Variants in KCNQ3 observed in about 807,000 individuals in gnomAD.
The protein encoded by KCNQ3 is potassium voltage-gated channel subfamily Q member 3.
KCNQ3 carries 30 observed loss-of-function variants against 92.5 expected under a neutral mutation model. The ratio of observed to expected loss-of-function variants is 0.32; its 90% CI spans 0.24 to 0.44. KCNQ3 has a LOEUF of 0.44. Among genes scored for constraint, KCNQ3 ranks in the 20% least tolerant of loss-of-function variants. KCNQ3 has a pLI of 1.00. For synonymous variants in KCNQ3, 450 were observed against 468.8 expected, an observed-to-expected ratio of 0.96 and a Z score of 0.52; for missense variants, 913 against 1,140.3, an observed-to-expected ratio of 0.80 and a Z score of 2.87.
chr8:132,307,568 C>T (rs889603590), intron 1 of KCNQ3, among the ~76,000 whole-genome samples: 2 of 152,148 alleles, frequency 1.3e-5, no homozygotes, highest in African/African-American at 4.8e-5. Flanking sequence ...TTCAAGACTT[C>T]CCAGAGGACC....
chr8:132,402,786 G>T (rs965101475), intron 1 of KCNQ3, among the ~76,000 whole-genome samples: 2 of 152,080 alleles, frequency 1.3e-5, no homozygotes, highest in African/African-American at 4.8e-5. Context: ...GAGAGGCCGA[G>T]GTGGGCAGAT....
intron 7 of KCNQ3, among the ~76,000 whole-genome samples, chr8:132,172,210 A>T (rs1826390204): frequency 6.6e-6 from 1 of 152,076 alleles, no homozygotes; most frequent in Non-Finnish European, 1.5e-5. Flanking sequence ...ATCAAAAAAA[A>T]GCTGATAGGT....
chr8:132,259,507 T>C (rs1815702236), intron 1 of KCNQ3, among the ~76,000 whole-genome samples: 1 of 152,140 alleles, frequency 6.6e-6, no homozygotes, highest in South Asian at 2.1e-4. Flanking sequence ...TTCAATCTGA[T>C]AAAAGATATC....
At chr8:132,218,218 A>C (rs1814105251) in intron 1 of KCNQ3, among the ~76,000 whole-genome samples, 1 of 152,214 alleles carries the variant, frequency 6.6e-6, no homozygotes, top group South Asian at 2.1e-4. Flanking sequence ...ATAAAGTAGA[A>C]AAATAATACA....
At chr8:132,145,199 T>A (rs1265975697) in intron 9 of KCNQ3, among the ~76,000 whole-genome samples, 3 of 152,230 alleles carry the variant, frequency 2.0e-5, no homozygotes, top group African/African-American at 7.2e-5. Context: ...AAAAACTGAA[T>A]GGTAAGCTTT....
chr8:132,304,215 G>T (rs1817346571), intron 1 of KCNQ3, among the ~76,000 whole-genome samples: 1 of 152,160 alleles, frequency 6.6e-6, no homozygotes, highest in Non-Finnish European at 1.5e-5. Flanking sequence ...CACTATTGGG[G>T]TGATGGTTAC....
chr8:132,192,032 T>G (rs1425647564), intron 1 of KCNQ3, among the ~76,000 whole-genome samples: 1 of 152,124 alleles, frequency 6.6e-6, no homozygotes, highest in African/African-American at 2.4e-5. Flanking sequence ...AAATCTAAAT[T>G]TAAGGCTTAG....
intron 1 of KCNQ3, among the ~76,000 whole-genome samples, chr8:132,350,480 A>G (rs1818828751): frequency 6.6e-6 from 1 of 152,062 alleles, no homozygotes; most frequent in African/African-American, 2.4e-5. Context: ...CTAGCCAATG[A>G]GCACCCAGAT....
chr8:132,374,396 C>A (rs1439348761), intron 1 of KCNQ3, among the ~76,000 whole-genome samples: 1 of 152,126 alleles, frequency 6.6e-6, no homozygotes, highest in Non-Finnish European at 1.5e-5. Flanking sequence ...TGAGGCTTTC[C>A]CTTAGGTCAC....
intron 1 of KCNQ3, among the ~76,000 whole-genome samples, chr8:132,345,316 GTGAAA>G (rs1487436960): frequency 6.6e-6 from 1 of 152,148 alleles, no homozygotes; most frequent in Non-Finnish European, 1.5e-5. Flanking sequence ...TGCAATGAAG[GTGAAA>G]TACATTTGGA....
At chr8:132,172,105 T>C (rs535062824) in intron 7 of KCNQ3, among the ~76,000 whole-genome samples, 1 of 152,094 alleles carries the variant, frequency 6.6e-6, no homozygotes, top group African/African-American at 2.4e-5. Flanking sequence ...GAGGATTGCT[T>C]GAGCCTGGGA....
At chr8:132,168,302 C>G (rs927080182) in intron 8 of KCNQ3, among the ~76,000 whole-genome samples, 1 of 152,202 alleles carries the variant, frequency 6.6e-6, no homozygotes, top group Non-Finnish European at 1.5e-5. Context: ...CTATCATCTT[C>G]CTGAAAAGTA....
intron 1 of KCNQ3, among the ~76,000 whole-genome samples, chr8:132,230,209 C>A (rs1386242620): frequency 6.6e-6 from 1 of 152,086 alleles, no homozygotes; most frequent in Non-Finnish European, 1.5e-5. Context: ...TCCATGTCTC[C>A]TAGTAGGAAG....
intron 1 of KCNQ3, among the ~76,000 whole-genome samples, chr8:132,417,347 A>T (rs963349181): frequency 2.6e-5 from 4 of 152,130 alleles, no homozygotes; most frequent in African/African-American, 9.7e-5. Context: ...ACAGCCCAAC[A>T]GGGAGGGGAC....
intron 1 of KCNQ3, among the ~76,000 whole-genome samples, chr8:132,405,299 A>G (rs1318110184): frequency 6.6e-6 from 1 of 152,184 alleles, no homozygotes; most frequent in African/African-American, 2.4e-5. Context: ...GGGGAAGCAG[A>G]GTTTTCCCAC....
intron 1 of KCNQ3, among the ~76,000 whole-genome samples, chr8:132,417,562 C>A (rs992610311): frequency 6.6e-6 from 1 of 152,136 alleles, no homozygotes; most frequent in African/African-American, 2.4e-5. Context: ...TTTTTGGAAA[C>A]CTAATCTGCA....
chr8:132,223,271 T>C (rs1236870480), intron 1 of KCNQ3, among the ~76,000 whole-genome samples: 2 of 152,066 alleles, frequency 1.3e-5, no homozygotes, highest in Non-Finnish European at 2.9e-5. Flanking sequence ...ATGTGCTAGG[T>C]CTGGGGACTC....
chr8:132,396,124 G>T (rs985695513), intron 1 of KCNQ3, among the ~76,000 whole-genome samples: 1 of 152,214 alleles, frequency 6.6e-6, no homozygotes, highest in African/African-American at 2.4e-5. Context: ...TCAACGCACT[G>T]TTGTCAAAAC....
chr8:132,150,307 T>C (rs1446070240), intron 9 of KCNQ3, among the ~76,000 whole-genome samples: 1 of 152,178 alleles, frequency 6.6e-6, no homozygotes, highest in Non-Finnish European at 1.5e-5. Context: ...GGCAGGGCTT[T>C]GTTTAGCCTT....
Sources: gnomAD v4.1 joint callset for allele counts (sites outside exome capture counted in the v4.1 genomes callset) on GRCh38, gnomAD v4.1.1 for gene constraint, MANE v1.5 for transcripts, NCBI Gene and HGNC (gene_info 2026-07-23, HGNC 2026-07-21) for gene names.